Variants in SLC22A2 observed in about 807,000 individuals in gnomAD.
SLC22A2 encodes the protein organic cation transporter 2.
In SLC22A2, 46 loss-of-function variants were observed where a neutral mutation model predicts 60.5. The ratio of observed to expected loss-of-function variants is 0.76; its 90% CI spans 0.60 to 0.97. SLC22A2 has a LOEUF of 0.97. Ranked by LOEUF, SLC22A2 falls within the 50% of genes least tolerant of loss-of-function variation. SLC22A2 has a pLI of 0.00. For missense variants in SLC22A2, 701 were observed against 706.6 expected, an observed-to-expected ratio of 0.99 and a Z score of 0.09; for synonymous variants, 303 against 267.0, an observed-to-expected ratio of 1.13 and a Z score of -1.31.
intron 10 of SLC22A2, among the ~76,000 whole-genome samples, chr6:160,221,085 C>T (rs963602292): frequency 6.6e-4 from 101 of 152,206 alleles, no homozygotes; most frequent in African/African-American, 2.4e-3. Flanking sequence ...ATGGCATCTT[C>T]TTCCAATAGA....
intron 9 of SLC22A2, among the ~76,000 whole-genome samples, chr6:160,231,551 T>G (rs1782824369): frequency 6.6e-6 from 1 of 151,964 alleles, no homozygotes; most frequent in Non-Finnish European, 1.5e-5. Context: ...CAGCATGGGC[T>G]TCTAAAACCT....
At chr6:160,230,377 C>A (rs1037327381) in intron 9 of SLC22A2, among the ~76,000 whole-genome samples, 6 of 151,922 alleles carry the variant, frequency 3.9e-5, no homozygotes, top group African/African-American at 1.5e-4. Context: ...CATTTAGGCT[C>A]TTTTTCATCA....
At chr6:160,223,340 A>G (rs779392755) in intron 10 of SLC22A2, among the ~76,000 whole-genome samples, 5 of 152,194 alleles carry the variant, frequency 3.3e-5, no homozygotes, top group Non-Finnish European at 5.9e-5. Context: ...ACTCAATTCC[A>G]TAGACAACCA....
At chr6:160,248,440 AT>A (rs1365274339) in intron 4 of SLC22A2, among the ~76,000 whole-genome samples, 4 of 152,284 alleles carry the variant, frequency 2.6e-5, no homozygotes, top group African/African-American at 9.6e-5. Context: ...ACAGAGTTTT[AT>A]TGGCTTTTGG....
chr6:160,219,593 C>G (rs1782612255), intron 10 of SLC22A2, among the ~76,000 whole-genome samples: 1 of 87,598 alleles, frequency 1.1e-5, no homozygotes, highest in Admixed American at 1.6e-4. Flanking sequence ...TTTACTTTCT[C>G]TGGCCTGTTT....
chr6:160,249,242 G>A lies in SLC22A2; in HGVS notation c.816C>T (p.Pro272=). 1 of 1,604,568 alleles carries A rather than the reference G, an allele frequency of 6.2e-7. No individual in the cohort carries two copies. Among genetic ancestry groups the A allele is most frequent in the Non-Finnish European group, 8.5e-7 (1 of 1,176,328 alleles). Residue 272 remains proline (P), a synonymous_variant, in exon 4 of 11, where the codon CCC becomes CCT. Transcript: ENST00000366953. ...AGTAATAGAGCAAGAAGAAGAAGTT[G>A]GGCAGAGAAACTGTGAACTGCAACC... ...WRWLQFTVSL[P]NFFFLLYYWC...
At chr6:160,243,144 G>A (rs1259159825) in intron 7 of SLC22A2, among the ~76,000 whole-genome samples, 3 of 151,960 alleles carry the variant, frequency 2.0e-5, no homozygotes, top group African/African-American at 7.2e-5. Flanking sequence ...ATTTTAAAAG[G>A]GAAAAAGGGA....
intron 9 of SLC22A2, among the ~76,000 whole-genome samples, chr6:160,236,336 C>A (rs1404801814): frequency 6.6e-6 from 1 of 152,088 alleles, no homozygotes; most frequent in Non-Finnish European, 1.5e-5. Context: ...TAATTTTTTG[C>A]TTAAAACGTT....
intron 10 of SLC22A2, among the ~76,000 whole-genome samples, chr6:160,219,392 GCAA>G (rs1352856757): frequency 6.7e-6 from 1 of 148,748 alleles, no homozygotes; most frequent in Non-Finnish European, 1.5e-5. Flanking sequence ...AGCAGCAGCA[GCAA>G]CAACATCAGC....
chr6:160,229,676 C>T (rs1266028482), intron 9 of SLC22A2, among the ~76,000 whole-genome samples: 2 of 151,714 alleles, frequency 1.3e-5, no homozygotes. Context: ...TGTGTCTCTA[C>T]TCTCTCTTTT....
Position 160,241,603 on chromosome 6 carries a change from T to C in SLC22A2, c.1389-17A>G. ...CCAAGATTCCTAGAATGCAGGAAAC[T>C]GATTTAACTTGTTAACTTATCACAG... is the stretch of plus-strand genomic sequence containing the variant. On this transcript the variant is annotated splice_polypyrimidine_tract_variant and intron_variant, in intron 8 of 10. Coordinates refer to ENST00000366953, the MANE Select transcript of SLC22A2 (RefSeq NM_003058.4). The C allele has an allele frequency of 6.6e-7, 1 of 1,522,926 alleles. No individual in the cohort carries two copies. Among genetic ancestry groups the C allele is most frequent in the Non-Finnish European group, 9.1e-7 (1 of 1,097,410 alleles). The allele number at this position is 1,522,926 out of a possible 1,614,324, so 94.3% of individuals were successfully genotyped here.
Position 160,224,700 on chromosome 6 carries a change from C to T in SLC22A2, c.1601+5G>A. The T allele has an allele frequency of 1.3e-6, 2 of 1,591,150 alleles. No individual in the cohort carries two copies. Among genetic ancestry groups the T allele is most frequent in the Non-Finnish European group, 1.7e-6 (2 of 1,164,522 alleles). ...ACAATTCATTTAGAACTTTCAACTG[C>T]CTACCTTTGCATATTTTCGGCTTCC... On this transcript the variant is annotated splice_donor_5th_base_variant and intron_variant, in intron 10 of 10. Transcript: ENST00000366953.
At chr6:160,229,519 TGGCTGCTCACCCACATTGCAGCCCAG>T (rs1782782797) in intron 9 of SLC22A2, among the ~76,000 whole-genome samples, 1 of 151,820 alleles carries the variant, frequency 6.6e-6, no homozygotes, top group South Asian at 2.1e-4. Flanking sequence ...GCGCCTGCTT[TGGCTGCTCACCCACATTGCAGCCCAG>T]GGCTGCTCAC....
At chr6:160,241,916 G>A (rs1178812211) in intron 8 of SLC22A2, among the ~76,000 whole-genome samples, 3 of 146,054 alleles carry the variant, frequency 2.1e-5, no homozygotes, top group Non-Finnish European at 3.0e-5. Context: ...TTCATATTCT[G>A]TCATTCTTGT....
intron 10 of SLC22A2, among the ~76,000 whole-genome samples, chr6:160,219,581 C>CCTTTA (rs890860320): frequency 1.4e-5 from 2 of 140,186 alleles, no homozygotes; most frequent in African/African-American, 5.4e-5. Context: ...TTGAGCAAGT[C>CCTTTA]CTTTACTTTC....
intron 10 of SLC22A2, among the ~76,000 whole-genome samples, chr6:160,222,677 C>G (rs939119069): frequency 1.3e-5 from 2 of 152,088 alleles, no homozygotes; most frequent in Non-Finnish European, 2.9e-5. Context: ...TGAAAGGTCT[C>G]CAACTCAAAT....
chr6:160,255,534 A>T (rs930593448), intron 2 of SLC22A2, among the ~76,000 whole-genome samples: 7 of 152,220 alleles, frequency 4.6e-5, no homozygotes, highest in African/African-American at 1.7e-4. Context: ...TGACTTTACC[A>T]TGTATTTCAG....
intron 10 of SLC22A2, among the ~76,000 whole-genome samples, chr6:160,223,781 G>T (rs1236183284): frequency 2.0e-5 from 3 of 152,162 alleles, no homozygotes; most frequent in Non-Finnish European, 4.4e-5. Context: ...AGGCTGGAGT[G>T]CAGTGGCACG....
rs755353396 is a variant in SLC22A2, at chr6:160,224,753, T to C, written c.1553A>G (p.Lys518Arg). The C allele has an allele frequency of 3.0e-5, 48 of 1,604,944 alleles. No individual in the cohort carries two copies. In the East Asian group the frequency reaches 1.1e-3, roughly 35 times the overall value. ...GATGGTCTCAGGCAAAGCTTTCCCT[T>C]TAGTTTCTGGAAGCAACAGCACCAG... ...GGLVLLLPET[K>R]GKALPETIEE... Residue 518 changes from lysine (K) to arginine (R), a missense_variant, in exon 10 of 11, where the codon AAA (lysine) becomes AGA (arginine). Lys to Arg is a conservative substitution (Grantham distance 26). Transcript: ENST00000366953.
Sources: allele counts gnomAD v4.1 joint callset (sites outside exome capture counted in the v4.1 genomes callset), GRCh38; gene constraint gnomAD v4.1.1; transcripts MANE v1.5; gene names NCBI Gene and HGNC (gene_info 2026-07-23, HGNC 2026-07-21).